Variants in EZH2 observed in about 807,000 individuals in gnomAD.
The protein encoded by EZH2 is enhancer of zeste 2 polycomb repressive complex 2 subunit, also known as histone-lysine N-methyltransferase EZH2.
EZH2 carries 18 observed loss-of-function variants against 98.4 expected under a neutral mutation model. That is an observed-to-expected ratio of 0.18 (90% CI 0.13 to 0.27). EZH2 has a LOEUF of 0.27. Among genes scored for constraint, EZH2 ranks in the 10% least tolerant of loss-of-function variants. The pLI is 1.00. For missense variants in EZH2, 470 were observed against 935.1 expected (o/e 0.50, Z 6.49); for synonymous variants, 338 against 312.3 (o/e 1.08, Z -0.87).
chr7:148,845,560 C>T (rs1053989448), intron 3 of EZH2, among the ~76,000 whole-genome samples: 44 of 152,166 alleles, frequency 2.9e-4, no homozygotes, highest in African/African-American at 9.4e-4. Flanking sequence ...GTCTTTGAAG[C>T]TCATATGTCA....
chr7:148,850,176 G>A (rs1357398540), intron 1 of EZH2, among the ~76,000 whole-genome samples: 3 of 151,934 alleles, frequency 2.0e-5, no homozygotes, highest in Non-Finnish European at 4.4e-5. Flanking sequence ...CCGCCACCAC[G>A]CCAGGCTAAT....
chr7:148,844,702 G>T (rs1813517032), intron 3 of EZH2, among the ~76,000 whole-genome samples: 1 of 152,014 alleles, frequency 6.6e-6, no homozygotes, highest in Admixed American at 6.6e-5. Context: ...CGAACATTAG[G>T]TATCTTTATA....
In EZH2 at chr7:148,817,958, T is replaced by A; in HGVS notation, c.1159A>T (p.Arg387Trp). 6.2e-7 allele frequency: 1 copy of A among 1,614,196 alleles called. No homozygotes were observed. The highest frequency in any genetic ancestry group is 1.3e-5 in the African/African-American group (1 of 75,040). ...VLESKDTDSD[R>W]EAGTETGGEN... is the part of the protein sequence containing the mutation. Reference sequence around the variant, plus strand: ...CCCCCCGTTTCAGTCCCTGCTTCCCTATCACTGTCTGTATCCTTTGATTCC... The same window carrying A: ...CCCCCCGTTTCAGTCCCTGCTTCCCAATCACTGTCTGTATCCTTTGATTCC... Residue 387 changes from arginine (R) to tryptophan (W), a missense_variant, in exon 10 of 20, where the codon AGG becomes TGG. Arg to Trp is a moderately radical substitution (Grantham distance 101, BLOSUM62 -3). Transcript: ENST00000320356.
At chr7:148,849,344 A>C (rs1425401433) in intron 1 of EZH2, among the ~76,000 whole-genome samples, 1 of 152,232 alleles carries the variant, frequency 6.6e-6, no homozygotes, top group Non-Finnish European at 1.5e-5. Context: ...AGGTCTGAGC[A>C]AGAGAAAGCT....
intron 1 of EZH2, among the ~76,000 whole-genome samples, chr7:148,863,261 T>C (rs983078697): frequency 6.6e-6 from 1 of 152,138 alleles, no homozygotes; most frequent in African/African-American, 2.4e-5. Context: ...ATTCAAATTA[T>C]ATATTTCTAA....
intron 8 of EZH2, 110 bp downstream of exon 8, chr7:148,826,344 T>C (rs773919805): frequency 4.8e-6 from 4 of 834,762 alleles, no homozygotes; most frequent in Non-Finnish European, 6.6e-6. Context: ...AAGATATTTG[T>C]CAAAGTAACT....
At chr7:148,807,753 C>A in intron 19 of EZH2, 47 bp from the exon 20 acceptor site, 1 of 1,316,792 alleles carries the variant, frequency 7.6e-7, no homozygotes, top group Non-Finnish European at 1.0e-6. Flanking sequence ...ACCCATCCAA[C>A]ATGTGCTGAG....
intron 3 of EZH2, among the ~76,000 whole-genome samples, chr7:148,842,719 A>C (rs1370739743): frequency 6.6e-6 from 1 of 152,068 alleles, no homozygotes; most frequent in Non-Finnish European, 1.5e-5. Flanking sequence ...AATAATGCTT[A>C]GGTTCTATAA....
At chr7:148,882,896 A>G (rs1376251720) in intron 1 of EZH2, among the ~76,000 whole-genome samples, 1 of 152,250 alleles carries the variant, frequency 6.6e-6, no homozygotes, top group Non-Finnish European at 1.5e-5. Context: ...CTTAGGCAAC[A>G]AACATTTCTC....
chr7:148,808,987 GA>G, intron 19 of EZH2, 83 bp downstream of exon 19: 1 of 1,097,142 alleles, frequency 9.1e-7, no homozygotes, highest in Non-Finnish European at 1.4e-6. Flanking sequence ...AAGAAGCAAA[GA>G]ACTAAAAACC....
At chr7:148,826,946 A>ATG (rs1461154167) in intron 7 of EZH2, among the ~76,000 whole-genome samples, 2 of 152,226 alleles carry the variant, frequency 1.3e-5, no homozygotes, top group Admixed American at 6.5e-5. Context: ...GTGTGTGTTT[A>ATG]TGTGTATATA....
At chr7:148,849,268 C>G (rs1815052278) in intron 1 of EZH2, among the ~76,000 whole-genome samples, 1 of 152,026 alleles carries the variant, frequency 6.6e-6, no homozygotes, top group Admixed American at 6.6e-5. Context: ...GGAAAGGTAA[C>G]AAGGAACTCA....
chr7:148,809,310 CT>C lies in EZH2; in HGVS notation c.2109del (p.Val704LeufsTer2). 6.2e-7 allele frequency: 1 copy of C among 1,601,130 alleles called. No individual in the cohort carries two copies. The highest frequency in any genetic ancestry group is 8.6e-7 in the Non-Finnish European group (1 of 1,168,836). ...CAATTCTCACGTCAAAGGTACCTACCTTTTGCATAGCAGTTTGGATTTACCG... is the reference window on the plus strand; with the variant it reads ...CAATTCTCACGTCAAAGGTACCTACCTTTGCATAGCAGTTTGGATTTACCG... ...NHSVNPNCYA[K>X]VMMVNGDHRI... On this transcript the variant is annotated frameshift_variant and splice_region_variant, in exon 18 of 20. Coordinates refer to ENST00000320356, the MANE Select transcript of EZH2 (RefSeq NM_004456.5). LOFTEE classifies it high-confidence loss of function.
chr7:148,815,515 G>A lies in EZH2; in HGVS notation c.1537C>T (p.Leu513=). ...LWAAHCRKIQ[L]KKDGSSNHVY... ...ATGGAAAGATGCTAACCCTTTTTCA[G>A]CTGTATCTTTCTGCAGTGTGCAGCC... is the stretch of plus-strand genomic sequence containing the variant. The change falls in exon 13 of 20, where the codon CTG becomes TTG. Residue 513 remains leucine, a synonymous_variant. Coordinates refer to ENST00000320356, the MANE Select transcript of EZH2 (RefSeq NM_004456.5). 1.2e-6 allele frequency: 2 copies of A among 1,613,950 alleles called. No individual in the cohort carries two copies. Among genetic ancestry groups the A allele is most frequent in the Non-Finnish European group, 1.7e-6 (2 of 1,179,848 alleles).
At chr7:148,809,992 C>G (rs922784564) in intron 17 of EZH2, among the ~76,000 whole-genome samples, 6 of 152,242 alleles carry the variant, frequency 3.9e-5, no homozygotes, top group Non-Finnish European at 4.4e-5. Context: ...CCTCCTTCCC[C>G]GCTCAGAGGC....
chr7:148,862,895 GTTTT>G lies in EZH2; in HGVS notation c.-7-15594_-7-15591del, dbSNP rs914743757. On this transcript the variant is annotated intron_variant, in intron 1 of 19. Transcript: ENST00000320356. ...ACCGTGGGTACAAATGTCCAACATG[GTTTT>G]TTTGTTTGTTTTTGTTTTGTTTTGT... Among the ~76,000 whole-genome samples, 14 of 149,662 alleles carry G rather than the reference GTTTT, an allele frequency of 9.4e-5. No individual in the cohort carries two copies. In the South Asian group the frequency reaches 3.0e-3, roughly 32 times the overall value.
chr7:148,849,232 A>G (rs1046144872), intron 1 of EZH2, among the ~76,000 whole-genome samples: 3 of 152,188 alleles, frequency 2.0e-5, no homozygotes, highest in Admixed American at 2.0e-4. Context: ...AAAGAAAAGA[A>G]TATTAGGAAC....
intron 8 of EZH2, among the ~76,000 whole-genome samples, chr7:148,824,930 C>G (rs1807257342): frequency 6.6e-6 from 1 of 151,776 alleles, no homozygotes; most frequent in Non-Finnish European, 1.5e-5. Flanking sequence ...TTCTCCCCAG[C>G]TAGAATGAGG....
At chr7:148,860,658 T>C (rs1817536178) in intron 1 of EZH2, among the ~76,000 whole-genome samples, 1 of 152,184 alleles carries the variant, frequency 6.6e-6, no homozygotes, top group South Asian at 2.1e-4. Context: ...TAAAGAGTTT[T>C]TTACAATTTA....
Sources: allele counts gnomAD v4.1 joint callset (sites outside exome capture counted in the v4.1 genomes callset), GRCh38; gene constraint gnomAD v4.1.1; transcripts MANE v1.5; gene names NCBI Gene and HGNC (gene_info 2026-07-23, HGNC 2026-07-21).